PLEKHG5: variants seen among roughly 807,000 people sequenced by gnomAD.
PLEKHG5 encodes the protein pleckstrin homology and RhoGEF domain containing G5.
PLEKHG5 carries 52 observed loss-of-function variants against 103.8 expected under a neutral mutation model. The ratio of observed to expected loss-of-function variants is 0.50; its 90% confidence interval spans 0.40 to 0.63. The LOEUF (loss-of-function observed/expected upper bound fraction) is 0.63, where lower values mean the gene tolerates loss of function less well. PLEKHG5 is among the 30% of genes least tolerant of loss of function. The pLI, the probability that PLEKHG5 is intolerant of heterozygous loss-of-function variation, is 0.00. For synonymous variants in PLEKHG5, 592 were observed against 575.5 expected (o/e 1.03, Z -0.41); for missense variants, 1,205 against 1,347.6 (o/e 0.89, Z 1.66).
At chr1:6,472,773 A>C in intron 9 of PLEKHG5, 151 bp from the exon 10 acceptor site, 1 of 750,856 alleles carries the variant, frequency 1.3e-6, no homozygotes, top group South Asian at 1.5e-5. Flanking sequence ...CACATGAGTA[A>C]TCACAGTTAA....
At position 6,486,094 on chromosome 1, in the gene PLEKHG5, G is replaced by A. The variant is rs186524567; in HGVS notation, c.-88+5543C>T. 1.2e-3 allele frequency: 191 copies of A among 154,992 alleles called. No individual in the cohort carries two copies. The highest frequency in any genetic ancestry group is 3.9e-3 in the African/African-American group (158 of 40,560). The allele number at this position is 154,992 out of a possible 1,614,324, so 9.6% of individuals were successfully genotyped here. A position where few individuals can be genotyped will look rare whatever the true frequency, so the allele number is the denominator to read the frequency against. Reference sequence around the variant, plus strand: ...CCTCACCCTCAGCGCCAACACGCACGGTCCCTCCCAGCCAGAAGGGTACCT... The same window carrying A: ...CCTCACCCTCAGCGCCAACACGCACAGTCCCTCCCAGCCAGAAGGGTACCT... On this transcript the variant is annotated intron_variant, in intron 1 of 20. Transcript: ENST00000377728. The surrounding 1 kb of genome is among the most constrained non-coding windows in gnomAD (Gnocchi z 5.3).
upstream of PLEKHG5, chr1:6,497,348 G>T: frequency 1.9e-6 from 2 of 1,045,636 alleles, no homozygotes; most frequent in South Asian, 9.7e-5. This position sits in a 1 kb window ranked among gnomAD's most constrained non-coding sequence, Gnocchi z 6.1. Flanking sequence ...GCCGCGCGGG[G>T]GGCGGGCGGC....
rs760604063 is a variant in PLEKHG5, at chr1:6,473,312, C to T, written c.734G>A (p.Arg245Gln). 4.4e-6 allele frequency: 7 copies of T among 1,575,418 alleles called. No individual in the cohort carries two copies. Among genetic ancestry groups the T allele is most frequent in the South Asian group, 1.2e-5 (1 of 86,790 alleles). Residue 245 changes from arginine (R) to glutamine (Q), a missense_variant, in exon 8 of 21, where the codon CGG becomes CAG. Arg to Gln is a conservative substitution (Grantham distance 43). Coordinates refer to ENST00000377728, the MANE Select transcript of PLEKHG5 (RefSeq NM_020631.6). Reference protein sequence around the residue: ...STNTGDSWKNRAASRFSGFFS... With the variant: ...STNTGDSWKNQAASRFSGFFS... ...AAAGCCGCTGAAGCGACTGGCCGCC[C>T]GGTTCTTCCAGCTGTCGCCAGTGTT...
At chr1:6,470,099 G>C (rs375535272) in intron 16 of PLEKHG5, 137 bp downstream of exon 16, 1 of 987,134 alleles carries the variant, frequency 1.0e-6, no homozygotes, top group Non-Finnish European at 1.5e-6. Flanking sequence ...GGCAGGCAGA[G>C]AACTGTCATT....
At chr1:6,483,752 G>A (rs1278109167) in intron 1 of PLEKHG5, among the ~76,000 whole-genome samples, 1 of 152,268 alleles carries the variant, frequency 6.6e-6, no homozygotes, top group Non-Finnish European at 1.5e-5. Flanking sequence ...ACAGCGCACT[G>A]CTGAGAGAAA....
At chr1:6,514,047 G>A (rs1638548529) in intron 1 of PLEKHG5, among the ~76,000 whole-genome samples, 1 of 152,230 alleles carries the variant, frequency 6.6e-6, no homozygotes, top group African/African-American at 2.4e-5. Context: ...GCAGGGACAG[G>A]TATGGAGGTT....
In PLEKHG5 at chr1:6,468,101, G is replaced by A; in HGVS notation, c.2735C>T (p.Pro912Leu). The A allele has an allele frequency of 6.3e-7, 1 of 1,584,786 alleles. No homozygotes were observed. The highest frequency in any genetic ancestry group is 8.6e-7 in the Non-Finnish European group (1 of 1,166,192). Reference protein sequence around the residue: ...LSELCLAVPAPGIRTQGSPQE... With the variant: ...LSELCLAVPALGIRTQGSPQE... Reference sequence around the variant, plus strand: ...AGGGGAGCCCTGAGTCCTAATACCTGGGGCTGGAACAGCCAGGCAGAGCTC... The same window carrying A: ...AGGGGAGCCCTGAGTCCTAATACCTAGGGCTGGAACAGCCAGGCAGAGCTC... The change falls in exon 20 of 21, where the codon CCA becomes CTA. Residue 912 changes from proline to leucine, a missense_variant. Pro to Leu is a moderately conservative substitution (Grantham distance 98). Transcript: ENST00000377728.
At chr1:6,509,968 ACCCCAGGG>A (rs1414476085) in intron 1 of PLEKHG5, among the ~76,000 whole-genome samples, 3 of 151,702 alleles carry the variant, frequency 2.0e-5, no homozygotes, top group African/African-American at 7.3e-5. Flanking sequence ...CCTCTTGTGG[ACCCCAGGG>A]CCCCAGGTGC....
At chr1:6,478,120 G>A (rs746765816) in intron 1 of PLEKHG5, among the ~76,000 whole-genome samples, 1 of 152,002 alleles carries the variant, frequency 6.6e-6, no homozygotes, top group Admixed American at 6.6e-5. Flanking sequence ...TCCTGACCTC[G>A]TGAACAGCCC....
upstream of PLEKHG5, among the ~76,000 whole-genome samples, chr1:6,501,600 G>A (rs1484064021): frequency 4.6e-5 from 7 of 152,162 alleles, no homozygotes; most frequent in Non-Finnish European, 4.4e-5. This position sits in a 1 kb window ranked among gnomAD's most constrained non-coding sequence, Gnocchi z 4.3. Context: ...TCTGTGTAGA[G>A]GAATGATCAT....
intron 1 of PLEKHG5, among the ~76,000 whole-genome samples, chr1:6,513,463 C>T (rs191224023): frequency 1.8e-3 from 274 of 152,302 alleles, no homozygotes; most frequent in African/African-American, 6.2e-3. Context: ...TGCCACCTGC[C>T]GGGGATTTTT....
chr1:6,485,340 C>CG (rs2148613483), intron 1 of PLEKHG5: 1 of 1,428,222 alleles, frequency 7.0e-7, no homozygotes, highest in African/African-American at 1.5e-5. Flanking sequence ...ATCACCGTCG[C>CG]GGGCACGACC....
intron 1 of PLEKHG5, among the ~76,000 whole-genome samples, chr1:6,516,018 T>C (rs948358359): frequency 6.6e-6 from 1 of 152,154 alleles, no homozygotes; most frequent in African/African-American, 2.4e-5. Context: ...CAGAATGAAA[T>C]TGCTCACAGC....
chr1:6,518,364 C>T lies in PLEKHG5; in HGVS notation c.-165+1081G>A, dbSNP rs1431094523. Reference sequence around the variant, plus strand: ...TCACCTGAGGTTGGGAGTTCAAGACCAGCCCAACCAACATGGAGAAACCCC... The same window carrying T: ...TCACCTGAGGTTGGGAGTTCAAGACTAGCCCAACCAACATGGAGAAACCCC... On this transcript the variant is annotated intron_variant, in intron 1 of 21. Coordinates refer to the PLEKHG5 transcript ENST00000377740. 2.6e-5 allele frequency among the ~76,000 whole-genome samples: 4 copies of T among 151,180 alleles called. No homozygotes were observed. In the East Asian group the frequency reaches 8.0e-4, roughly 30 times the overall value.
At chr1:6,485,235 C>A (rs1241224952) in intron 1 of PLEKHG5, 1 of 891,730 alleles carries the variant, frequency 1.1e-6, no homozygotes, top group Non-Finnish European at 1.5e-6. Context: ...GTCACGGGCA[C>A]CCCCTCCCTG....
At chr1:6,511,902 G>A (rs1476358924) in intron 1 of PLEKHG5, among the ~76,000 whole-genome samples, 2 of 152,226 alleles carry the variant, frequency 1.3e-5, no homozygotes, top group African/African-American at 4.8e-5. Context: ...TTGGAAGCCG[G>A]GGAGCCCGTG....
Position 6,473,147 on chromosome 1 carries a change from CCTCCAGCTG to C in PLEKHG5, c.814_822del (p.Gln272_Glu274del). 1 of 1,613,884 alleles carries C rather than the reference CCTCCAGCTG, an allele frequency of 6.2e-7. No individual in the cohort carries two copies. Among genetic ancestry groups the C allele is most frequent in the South Asian group, 1.1e-5 (1 of 91,080 alleles). On this transcript the variant is annotated inframe_deletion, in exon 9 of 21. Coordinates refer to ENST00000377728, the MANE Select transcript of PLEKHG5 (RefSeq NM_020631.6). ...AAGAGGCTGTAGGTGTGCAGCTTGC[CCTCCAGCTG>C]CTCCATCTTGTCTACCTCCTGGAAA... is the stretch of plus-strand genomic sequence containing the variant.
upstream of PLEKHG5, chr1:6,496,956 T>G (rs1557766042): frequency 2.6e-6 from 4 of 1,527,362 alleles, no homozygotes; most frequent in Non-Finnish European, 3.5e-6. Flanking sequence ...CTGAGAACCT[T>G]ACGCCCTGCA....
intron 1 of PLEKHG5, among the ~76,000 whole-genome samples, chr1:6,478,176 G>A (rs992231454): frequency 2.0e-5 from 3 of 151,998 alleles, no homozygotes; most frequent in African/African-American, 7.3e-5. Flanking sequence ...GAGCCACCGC[G>A]CCCGGCTTCT....
Sources: gnomAD v4.1 joint callset for allele counts (sites outside exome capture counted in the v4.1 genomes callset) on GRCh38, gnomAD v4.1.1 for gene constraint, Gnocchi (gnomAD v3.1) non-coding constraint, MANE v1.5 for transcripts, NCBI Gene and HGNC (gene_info 2026-07-23, HGNC 2026-07-21) for gene names.